Variants in CHST8 observed in about 807,000 individuals in gnomAD.
CHST8 encodes carbohydrate sulfotransferase 8.
A neutral mutation model predicts 15.0 loss-of-function variants in CHST8; 10 were observed. That is an observed-to-expected ratio of 0.67 (90% CI 0.41 to 1.13). The LOEUF (loss-of-function observed/expected upper bound fraction) is 1.13, where lower values mean the gene tolerates loss of function less well. Among genes scored for constraint, CHST8 ranks in the 50% most tolerant of loss-of-function variants. CHST8 has a pLI of 0.00. For missense variants in CHST8, 634 were observed against 608.2 expected, an observed-to-expected ratio of 1.04 and a Z score of -0.45; for synonymous variants, 259 against 256.6, an observed-to-expected ratio of 1.01 and a Z score of -0.09.
intron 3 of CHST8, among the ~76,000 whole-genome samples, chr19:33,715,761 A>G (rs1320844528): frequency 6.6e-6 from 1 of 152,132 alleles, no homozygotes; most frequent in African/African-American, 2.4e-5. Flanking sequence ...TATCCCTCCT[A>G]TTCATCCATC....
intron 3 of CHST8, among the ~76,000 whole-genome samples, chr19:33,764,062 G>A (rs1232485329): frequency 6.6e-6 from 1 of 152,164 alleles, no homozygotes; most frequent in South Asian, 2.1e-4. Flanking sequence ...GCCCAGATGC[G>A]TGGGCCCTTC....
chr19:33,743,296 C>A (rs1033538999), intron 3 of CHST8, among the ~76,000 whole-genome samples: 3 of 98,238 alleles, frequency 3.1e-5, no homozygotes, highest in Non-Finnish European at 6.0e-5. Context: ...CACAGCAATT[C>A]TTTTTTTTTT....
intron 2 of CHST8, among the ~76,000 whole-genome samples, chr19:33,668,514 C>A (rs959728529): frequency 6.6e-6 from 1 of 152,080 alleles, no homozygotes; most frequent in Non-Finnish European, 1.5e-5. Flanking sequence ...TTACCACCTA[C>A]CCCAGAAGTG....
intron 3 of CHST8, among the ~76,000 whole-genome samples, chr19:33,719,352 A>G (rs12461973): frequency 0.052 from 7,962 of 152,180 alleles, 354 homozygotes; most frequent in Admixed American, 0.13. Flanking sequence ...TCTCCTCTCA[A>G]GGTCTCTCTG....
chr19:33,676,445 C>G (rs928607082), intron 2 of CHST8, among the ~76,000 whole-genome samples: 2 of 152,082 alleles, frequency 1.3e-5, no homozygotes, highest in Non-Finnish European at 2.9e-5. Flanking sequence ...TGGCACACGC[C>G]TGTAGTCCCA....
chr19:33,655,043 G>A (rs1309772322), intron 1 of CHST8, among the ~76,000 whole-genome samples: 1 of 152,150 alleles, frequency 6.6e-6, no homozygotes, highest in Non-Finnish European at 1.5e-5. Context: ...AGGATCACTT[G>A]AGCCCAGGAG....
At chr19:33,689,114 G>A (rs1568328390) in intron 2 of CHST8, 62 bp from the exon 3 acceptor site, 2 of 881,380 alleles carry the variant, frequency 2.3e-6, no homozygotes, top group Non-Finnish European at 3.2e-6. Flanking sequence ...GCAGTGAGCA[G>A]GGCCTACACC....
intron 3 of CHST8, among the ~76,000 whole-genome samples, chr19:33,757,605 A>AAGG (rs1365725815): frequency 8.9e-6 from 1 of 112,922 alleles, no homozygotes; most frequent in African/African-American, 3.7e-5. Context: ...AGAAAGAAAG[A>AAGG]GCCGGCCATT....
intron 3 of CHST8, among the ~76,000 whole-genome samples, chr19:33,731,692 ACT>A (rs1973996341): frequency 2.0e-5 from 3 of 152,220 alleles, no homozygotes; most frequent in African/African-American, 7.2e-5. Context: ...AGATGGAGTC[ACT>A]CTAGTTCAAA....
At chr19:33,687,028 C>T (rs1273266005) in intron 2 of CHST8, among the ~76,000 whole-genome samples, 2 of 152,258 alleles carry the variant, frequency 1.3e-5, no homozygotes, top group Non-Finnish European at 2.9e-5. Flanking sequence ...ACATCTTTTC[C>T]ATTCTTCTAA....
At chr19:33,765,327 C>T (rs1053776270) in intron 3 of CHST8, among the ~76,000 whole-genome samples, 1 of 151,930 alleles carries the variant, frequency 6.6e-6, no homozygotes. Flanking sequence ...CTGCTGGCAC[C>T]TTCATTTCAG....
chr19:33,692,066 A>T (rs1973108274), intron 3 of CHST8, among the ~76,000 whole-genome samples: 1 of 152,202 alleles, frequency 6.6e-6, no homozygotes, highest in Non-Finnish European at 1.5e-5. Flanking sequence ...TACATGGATC[A>T]GCCAGCCAAG....
intron 1 of CHST8, among the ~76,000 whole-genome samples, chr19:33,655,224 A>G (rs913768409): frequency 6.6e-6 from 1 of 152,048 alleles, no homozygotes; most frequent in African/African-American, 2.4e-5. Context: ...TTTTGTAGAG[A>G]CAGGGTTTTG....
At chr19:33,722,871 G>T (rs1973825601) in intron 3 of CHST8, among the ~76,000 whole-genome samples, 1 of 152,232 alleles carries the variant, frequency 6.6e-6, no homozygotes, top group East Asian at 1.9e-4. Context: ...ACACTAAGTG[G>T]ATCAATAACA....
intron 3 of CHST8, among the ~76,000 whole-genome samples, chr19:33,743,865 C>T (rs1179035457): frequency 1.3e-5 from 2 of 150,358 alleles, no homozygotes; most frequent in African/African-American, 4.9e-5. Context: ...AGTCTCGGTT[C>T]ACTGCAACCT....
intron 3 of CHST8, among the ~76,000 whole-genome samples, chr19:33,722,838 C>G (rs2145312922): frequency 6.6e-6 from 1 of 152,330 alleles, no homozygotes; most frequent in East Asian, 1.9e-4. Context: ...CCTGGCTCAG[C>G]CTCTGCAGCT....
At chr19:33,645,014 T>C (rs1972332586) in intron 1 of CHST8, among the ~76,000 whole-genome samples, 1 of 152,186 alleles carries the variant, frequency 6.6e-6, no homozygotes, top group South Asian at 2.1e-4. Flanking sequence ...TCAAGGATGC[T>C]CCTGGCATCT....
chr19:33,650,513 C>CTTTTTTTT (rs1356639318), intron 1 of CHST8, among the ~76,000 whole-genome samples: 1 of 36,854 alleles, frequency 2.7e-5, no homozygotes, highest in Non-Finnish European at 5.1e-5. Context: ...TTTTCTTTTT[C>CTTTTTTTT]TTTTCTTTTT....
intron 1 of CHST8, among the ~76,000 whole-genome samples, chr19:33,636,752 T>C (rs1972209429): frequency 6.6e-6 from 1 of 151,934 alleles, no homozygotes; most frequent in African/African-American, 2.4e-5. Flanking sequence ...AATACAAAAA[T>C]TAGCCGGGCA....
Sources: gnomAD v4.1 joint callset for allele counts (sites outside exome capture counted in the v4.1 genomes callset) on GRCh38, gnomAD v4.1.1 for gene constraint, MANE v1.5 for transcripts, NCBI Gene and HGNC (gene_info 2026-07-23, HGNC 2026-07-21) for gene names.